GRID2: variants seen among roughly 807,000 people sequenced by gnomAD.
GRID2 encodes the protein glutamate ionotropic receptor delta type subunit 2.
Under a neutral mutation model 114.8 loss-of-function variants are expected in GRID2, and 33 were observed. That is an observed-to-expected ratio of 0.29 (90% confidence interval 0.22 to 0.38). The LOEUF (loss-of-function observed/expected upper bound fraction) is 0.38. Ranked by LOEUF, GRID2 falls within the 10% of genes least tolerant of loss-of-function variation. GRID2 has a pLI of 1.00. For synonymous variants in GRID2, 505 were observed against 449.9 expected, an observed-to-expected ratio of 1.12 and a Z score of -1.55; for missense variants, 1,184 against 1,257.7, an observed-to-expected ratio of 0.94 and a Z score of 0.89.
intron 1 of GRID2, among the ~76,000 whole-genome samples, chr4:92,440,854 TG>T (rs1359020281): frequency 1.3e-5 from 2 of 152,034 alleles, no homozygotes; most frequent in Non-Finnish European, 2.9e-5. Context: ...GGCTGAAGTC[TG>T]GGCCAGGAAC....
intron 1 of GRID2, among the ~76,000 whole-genome samples, chr4:92,526,788 T>C (rs1052645185): frequency 2.0e-5 from 3 of 151,794 alleles, no homozygotes; most frequent in Admixed American, 6.6e-5. Context: ...AAGTCATAGG[T>C]TTGACTTATG....
intron 4 of GRID2, among the ~76,000 whole-genome samples, chr4:93,119,137 C>A (rs1733546657): frequency 6.6e-6 from 1 of 152,044 alleles, no homozygotes; most frequent in Non-Finnish European, 1.5e-5. Flanking sequence ...TAAATGTCTA[C>A]ACTTAGTGCT....
At chr4:93,526,872 G>A (rs530210225) in intron 13 of GRID2, among the ~76,000 whole-genome samples, 2 of 151,942 alleles carry the variant, frequency 1.3e-5, no homozygotes, top group South Asian at 2.1e-4. Flanking sequence ...TCACACATAC[G>A]CAAATAGTCA....
chr4:93,775,840 G>A (rs183288144), downstream of GRID2, among the ~76,000 whole-genome samples: 32 of 152,142 alleles, frequency 2.1e-4, no homozygotes, highest in African/African-American at 5.3e-4. Flanking sequence ...TGTCATGTTC[G>A]TGATCATGTT....
At chr4:92,754,670 G>A (rs1737624155) in intron 2 of GRID2, among the ~76,000 whole-genome samples, 1 of 152,060 alleles carries the variant, frequency 6.6e-6, no homozygotes, top group Non-Finnish European at 1.5e-5. Flanking sequence ...GCTTTGATGT[G>A]TTTAAATACC....
At chr4:93,345,795 A>T (rs1026790163) in intron 8 of GRID2, among the ~76,000 whole-genome samples, 6 of 152,108 alleles carry the variant, frequency 3.9e-5, no homozygotes, top group African/African-American at 1.4e-4. Context: ...TTAGGTCTTA[A>T]ATCCAATTTG....
At position 93,433,329 on chromosome 4, in the gene GRID2, GAGA is replaced by G. The variant is rs567220777; in HGVS notation, c.1545+10368_1545+10370del. Among the ~76,000 whole-genome samples the G allele has an allele frequency of 5.8e-4, 88 of 152,274 alleles. 1 individual carries two copies. Among genetic ancestry groups the G allele is most frequent in the Middle Eastern group, 6.8e-3 (2 of 294 alleles). On this transcript the variant is annotated intron_variant, in intron 10 of 15. Coordinates refer to ENST00000282020, the MANE Select transcript of GRID2 (RefSeq NM_001510.4). The stretch of plus-strand genomic sequence containing the variant: ...CCAGGTCTCAAAGTTTTCAGAGAAG[GAGA>G]AGAAGATGCTATTGTGAGGTTTGTC...
chr4:93,760,153 A>G (rs561377103), intron 14 of GRID2, among the ~76,000 whole-genome samples: 5 of 152,330 alleles, frequency 3.3e-5, no homozygotes, highest in African/African-American at 1.2e-4. Context: ...CAATCAGTCA[A>G]TCAATATCAT....
In GRID2 at chr4:92,768,571, A is replaced by G. The variant is rs534595195; in HGVS notation, c.244+178285A>G. Reference sequence around the variant, plus strand: ...TGTATTAGTTTATTTTCCCATTGCTAATAAAGACATATCAGAGACTGGGTA... The same window carrying G: ...TGTATTAGTTTATTTTCCCATTGCTGATAAAGACATATCAGAGACTGGGTA... On this transcript the variant is annotated intron_variant, in intron 2 of 15. Transcript: ENST00000282020. Among the ~76,000 whole-genome samples, 3 of 152,186 alleles carry G rather than the reference A, an allele frequency of 2.0e-5. No homozygotes were observed. In the South Asian group the frequency reaches 6.2e-4, roughly 31 times the overall value.
intron 2 of GRID2, among the ~76,000 whole-genome samples, chr4:92,740,557 C>T (rs1179210936): frequency 6.6e-6 from 1 of 152,092 alleles, no homozygotes; most frequent in Non-Finnish European, 1.5e-5. Flanking sequence ...TGTAAACTGG[C>T]TTTTACTCCA....
At chr4:93,023,316 T>G (rs1723572450) in intron 2 of GRID2, among the ~76,000 whole-genome samples, 1 of 151,894 alleles carries the variant, frequency 6.6e-6, no homozygotes, top group East Asian at 1.9e-4. Context: ...AAAAAAAATC[T>G]GTAGTGAAAT....
At chr4:92,350,105 T>C (rs1727990413) in intron 1 of GRID2, among the ~76,000 whole-genome samples, 1 of 151,994 alleles carries the variant, frequency 6.6e-6, no homozygotes, top group African/African-American at 2.4e-5. Context: ...CTTTTCATTT[T>C]TCTGTGTCTT....
At chr4:93,373,202 A>G (rs1310337874) in intron 8 of GRID2, among the ~76,000 whole-genome samples, 1 of 151,536 alleles carries the variant, frequency 6.6e-6, no homozygotes, top group Admixed American at 6.6e-5. Context: ...AATATTTATC[A>G]CTCTTAAATA....
intron 2 of GRID2, among the ~76,000 whole-genome samples, chr4:92,770,975 C>A (rs1228892524): frequency 6.6e-6 from 1 of 151,752 alleles, no homozygotes; most frequent in Non-Finnish European, 1.5e-5. Flanking sequence ...TAGAACAGTA[C>A]TTCTGACAGA....
At chr4:92,992,196 A>G (rs912571260) in intron 2 of GRID2, among the ~76,000 whole-genome samples, 3 of 152,166 alleles carry the variant, frequency 2.0e-5, no homozygotes, top group South Asian at 4.1e-4. Flanking sequence ...CCATTCTCAT[A>G]AGGTAAATAC....
chr4:93,042,600 A>C (rs1467094706), intron 2 of GRID2, among the ~76,000 whole-genome samples: 1 of 126,778 alleles, frequency 7.9e-6, no homozygotes, highest in South Asian at 2.7e-4. Flanking sequence ...TGCAAACATG[A>C]TGAATCTTTT....
chr4:92,746,421 C>A lies in GRID2; in HGVS notation c.244+156135C>A, dbSNP rs556726812. Among the ~76,000 whole-genome samples the A allele has an allele frequency of 6.6e-5, 10 of 152,170 alleles. No individual in the cohort carries two copies. The South Asian group carries it at 2.1e-3, about 32-fold the overall frequency. On this transcript the variant is annotated intron_variant, in intron 2 of 15. Coordinates refer to ENST00000282020, the MANE Select transcript of GRID2 (RefSeq NM_001510.4). Reference sequence around the variant, plus strand: ...TTAGTGGCCAAGAACAATATTAAAGCCAGACCATCTAGAGGTTCCTTTATA... The same window carrying A: ...TTAGTGGCCAAGAACAATATTAAAGACAGACCATCTAGAGGTTCCTTTATA...
chr4:93,784,388 A>G (rs11726283), intron 1 of GRID2, among the ~76,000 whole-genome samples: 147,407 of 152,168 alleles, frequency 0.97, 71,429 homozygotes, highest in African/African-American at 0.99. Context: ...TCCTTCTGGC[A>G]GGAAGCACTA....
chr4:92,657,117 T>A (rs990441431), intron 2 of GRID2, among the ~76,000 whole-genome samples: 1 of 151,692 alleles, frequency 6.6e-6, no homozygotes, highest in Non-Finnish European at 1.5e-5. Flanking sequence ...TTCTTTTAAT[T>A]AAGATATATA....
Sources: allele counts gnomAD v4.1 joint callset (sites outside exome capture counted in the v4.1 genomes callset), GRCh38; gene constraint gnomAD v4.1.1; transcripts MANE v1.5; gene names NCBI Gene and HGNC (gene_info 2026-07-23, HGNC 2026-07-21).